SMARCAD1: variants seen among roughly 807,000 people sequenced by gnomAD.
SMARCAD1 encodes the protein SWI/SNF-related matrix-associated actin-dependent regulator of chromatin subfamily A containing DEAD/H box 1.
Under a neutral mutation model 127.1 loss-of-function variants are expected in SMARCAD1, and 25 were observed. The observed-to-expected ratio is 0.20, with a 90% CI of 0.14 to 0.27. SMARCAD1 has a LOEUF of 0.27. SMARCAD1 is among the 10% of genes least tolerant of loss of function. The pLI, the probability that SMARCAD1 is intolerant of heterozygous loss-of-function variation, is 1.00. For synonymous variants in SMARCAD1, 400 were observed against 396.9 expected (o/e 1.01, Z -0.09); for missense variants, 807 against 1,206.0 (o/e 0.67, Z 4.90).
intron 2 of SMARCAD1, among the ~76,000 whole-genome samples, chr4:94,224,998 A>G (rs1252588418): frequency 2.0e-5 from 3 of 152,200 alleles, no homozygotes; most frequent in Non-Finnish European, 4.4e-5. Context: ...TTACTTTAAT[A>G]CGACTCCCTT....
Position 94,278,525 on chromosome 4 carries a change from A to T in SMARCAD1, c.2178+8A>T. ...AGAAGAGTAAAAGAAGAGGTAATGC[A>T]TATCTACATGTTTTTTATTTTTATT... On this transcript the variant is annotated splice_region_variant and intron_variant, in intron 17 of 23. Coordinates refer to ENST00000354268, the MANE Select transcript of SMARCAD1 (RefSeq NM_020159.5). The T allele has an allele frequency of 6.2e-7, 1 of 1,609,184 alleles. No individual in the cohort carries two copies. Among genetic ancestry groups the T allele is most frequent in the Non-Finnish European group, 8.5e-7 (1 of 1,175,786 alleles).
chr4:94,257,589 A>G (rs1038704602), intron 9 of SMARCAD1, among the ~76,000 whole-genome samples: 1 of 152,064 alleles, frequency 6.6e-6, no homozygotes, highest in African/African-American at 2.4e-5. Context: ...CCCCATCCCC[A>G]AATTGTTTAT....
chr4:94,212,073 G>T (rs1578978598), intron 2 of SMARCAD1, among the ~76,000 whole-genome samples: 1 of 152,178 alleles, frequency 6.6e-6, no homozygotes. Flanking sequence ...CATTGTTCAG[G>T]GCAACGACTG....
At chr4:94,256,079 C>T (rs1392679306) in intron 9 of SMARCAD1, among the ~76,000 whole-genome samples, 2 of 152,154 alleles carry the variant, frequency 1.3e-5, no homozygotes, top group African/African-American at 4.8e-5. Flanking sequence ...TAGCCTTGCA[C>T]ACAGTAGGGA....
intron 11 of SMARCAD1, among the ~76,000 whole-genome samples, 190 bp from the exon 12 acceptor site, chr4:94,273,427 A>G (rs533224587): frequency 2.0e-5 from 3 of 152,222 alleles, no homozygotes; most frequent in Admixed American, 6.5e-5. Flanking sequence ...AGTAAGTTAT[A>G]GCATCATTTG....
At chr4:94,212,925 A>G in intron 2 of SMARCAD1, 1 of 492,764 alleles carries the variant, frequency 2.0e-6, no homozygotes, top group East Asian at 6.9e-5. Context: ...GAGGGCATAC[A>G]CTTAACCTCT....
At chr4:94,220,943 C>T (rs1408308979) in intron 2 of SMARCAD1, among the ~76,000 whole-genome samples, 1 of 152,210 alleles carries the variant, frequency 6.6e-6, no homozygotes, top group Non-Finnish European at 1.5e-5. Context: ...CAAGGGAAGG[C>T]GTTTGAGCAA....
At chr4:94,277,266 A>G in intron 16 of SMARCAD1, 107 bp downstream of exon 16, 4 of 1,240,424 alleles carry the variant, frequency 3.2e-6, no homozygotes, top group Non-Finnish European at 4.7e-6. Flanking sequence ...TGCTCTATGA[A>G]GTAACTTTAA....
intron 2 of SMARCAD1, among the ~76,000 whole-genome samples, chr4:94,222,834 G>A (rs1185806302): frequency 6.6e-6 from 1 of 151,888 alleles, no homozygotes; most frequent in African/African-American, 2.4e-5. Context: ...TGTCGGGGCA[G>A]GCACCTGTAA....
At chr4:94,262,864 A>T (rs1335063591) in intron 9 of SMARCAD1, among the ~76,000 whole-genome samples, 1 of 150,652 alleles carries the variant, frequency 6.6e-6, no homozygotes, top group Non-Finnish European at 1.5e-5. Context: ...CTCCCAGATA[A>T]TTCAACAGTT....
chr4:94,275,686 T>C (rs1753155757), intron 14 of SMARCAD1, among the ~76,000 whole-genome samples: 1 of 152,208 alleles, frequency 6.6e-6, no homozygotes, highest in African/African-American at 2.4e-5. Context: ...ACGTTCTTTT[T>C]TGTGCTTATT....
At chr4:94,217,471 G>T (rs983256081) in intron 2 of SMARCAD1, among the ~76,000 whole-genome samples, 9 of 152,056 alleles carry the variant, frequency 5.9e-5, no homozygotes, top group African/African-American at 9.7e-5. Context: ...TCTTTGACCT[G>T]AAAGTTGTTT....
At chr4:94,272,582 T>C (rs9999656) in intron 11 of SMARCAD1, among the ~76,000 whole-genome samples, 22,070 of 152,176 alleles carry the variant, frequency 0.15, 1,817 homozygotes, top group Non-Finnish European at 0.19. Flanking sequence ...TTATGTAGTA[T>C]ATGCAGTATA....
intron 22 of SMARCAD1, 141 bp from the exon 23 acceptor site, chr4:94,284,819 T>C (rs1754699730): frequency 1.6e-6 from 1 of 609,580 alleles, no homozygotes; most frequent in Non-Finnish European, 2.9e-6. Context: ...AATGTCAGTC[T>C]CAAGTGGCTT....
intron 5 of SMARCAD1, among the ~76,000 whole-genome samples, chr4:94,239,751 TGAGTA>T (rs1229028180): frequency 4.6e-5 from 7 of 151,958 alleles, no homozygotes; most frequent in Non-Finnish European, 1.0e-4. Flanking sequence ...TTTTGTAGTT[TGAGTA>T]GAGATGGGGT....
chr4:94,289,351 C>T (rs1039561207), intron 23 of SMARCAD1, 122 bp from the exon 24 acceptor site: 25 of 850,888 alleles, frequency 2.9e-5, no homozygotes, highest in South Asian at 1.2e-4. Context: ...GTGAGTGACA[C>T]TGAAGCAAAC....
At chr4:94,278,898 T>C in intron 18 of SMARCAD1, 31 bp from the exon 19 acceptor site, 1 of 1,612,760 alleles carries the variant, frequency 6.2e-7, no homozygotes, top group Non-Finnish European at 8.5e-7. Context: ...CGCTTGGTTT[T>C]ATTTTTTACT....
At chr4:94,270,690 T>C (rs1460304082) in intron 10 of SMARCAD1, 38 bp from the exon 11 acceptor site, 2 of 1,535,604 alleles carry the variant, frequency 1.3e-6, no homozygotes, top group African/African-American at 2.7e-5. Context: ...CTGATAGAAA[T>C]ATAGATGTGT....
Position 94,289,749 on chromosome 4 carries a change from CT to C in SMARCAD1, c.*216del. The C allele has an allele frequency of 1.5e-6, 1 of 653,340 alleles. No individual in the cohort carries two copies. The highest frequency in any genetic ancestry group is 2.9e-6 in the Non-Finnish European group (1 of 350,254). 40.5% of individuals were successfully genotyped at this position (653,340 alleles called of 1,614,324 possible). ...AAAAAGAAGCCACAAATATGTAGTT[CT>C]GAAGATGTTGAATAATCATTTTACA... On this transcript the variant is annotated 3_prime_UTR_variant, in exon 24 of 24. Transcript: ENST00000354268.
Sources: gnomAD v4.1 joint callset for allele counts (sites outside exome capture counted in the v4.1 genomes callset) on GRCh38, gnomAD v4.1.1 for gene constraint, MANE v1.5 for transcripts, NCBI Gene and HGNC (gene_info 2026-07-23, HGNC 2026-07-21) for gene names.